The following RGS20 variants were observed in gnomAD, a reference collection of about 807,000 sequenced individuals.
The protein encoded by RGS20 is regulator of G protein signaling 20.
Under a neutral mutation model 33.6 loss-of-function variants are expected in RGS20, and 30 were observed. The ratio of observed to expected loss-of-function variants is 0.89; its 90% CI spans 0.67 to 1.21. RGS20 has a LOEUF of 1.21. Among genes scored for constraint, RGS20 ranks in the 50% most tolerant of loss-of-function variants. The pLI is 0.00. For missense variants in RGS20, 472 were observed against 502.4 expected, an observed-to-expected ratio of 0.94 and a Z score of 0.58; for synonymous variants, 208 against 197.9, an observed-to-expected ratio of 1.05 and a Z score of -0.43.
At chr8:53,880,814 G>C in intron 2 of RGS20, 58 bp from the exon 1 acceptor site, 15 of 1,349,556 alleles carry the variant, frequency 1.1e-5, no homozygotes, top group Admixed American at 3.2e-5. Flanking sequence ...CCGCTGGAGG[G>C]AGGCGAGACG....
intron 2 of RGS20, among the ~76,000 whole-genome samples, chr8:53,908,141 A>G (rs962782169): frequency 1.3e-5 from 2 of 152,204 alleles, no homozygotes; most frequent in African/African-American, 4.8e-5. Flanking sequence ...AAAAGATGGA[A>G]AACGTTGGGA....
intron 4 of RGS20, among the ~76,000 whole-genome samples, chr8:53,951,357 T>C (rs905236761): frequency 6.6e-6 from 1 of 151,996 alleles, no homozygotes; most frequent in Non-Finnish European, 1.5e-5. Flanking sequence ...GCTGTGATGG[T>C]GCGTGCCTGC....
intron 2 of RGS20, among the ~76,000 whole-genome samples, chr8:53,888,733 G>A (rs1170157978): frequency 6.6e-6 from 1 of 152,116 alleles, no homozygotes; most frequent in African/African-American, 2.4e-5. Flanking sequence ...TTCCATTCAG[G>A]ACTCACTCCC....
chr8:53,881,010 G>C (rs776918043), intron 2 of RGS20: 3 of 1,595,506 alleles, frequency 1.9e-6, no homozygotes, highest in South Asian at 1.1e-5. Context: ...GGCACCCGCG[G>C]GACGCATGCG....
At chr8:53,874,657 A>G (rs1282743183) in intron 1 of RGS20, among the ~76,000 whole-genome samples, 1 of 152,182 alleles carries the variant, frequency 6.6e-6, no homozygotes, top group African/African-American at 2.4e-5. Flanking sequence ...AATCTACTCC[A>G]TGCCTCTTCT....
chr8:53,853,963 T>C (rs527924973), intron 1 of RGS20, among the ~76,000 whole-genome samples: 1 of 152,136 alleles, frequency 6.6e-6, no homozygotes, highest in Non-Finnish European at 1.5e-5. Flanking sequence ...TCTAAGAACA[T>C]ATATAGAGGC....
At chr8:53,936,374 T>TCC (rs1814136555) in intron 2 of RGS20, among the ~76,000 whole-genome samples, 1 of 152,194 alleles carries the variant, frequency 6.6e-6, no homozygotes, top group Admixed American at 6.5e-5. Flanking sequence ...CAAAATCTCC[T>TCC]TAAGCTGATA....
rs556905670 is a variant in RGS20 at position 53,901,596 on chromosome 8, G to T, written c.510+21994G>T. On this transcript the variant is annotated intron_variant, in intron 2 of 5. Transcript: ENST00000297313. ...CTTAAATTCTGACACATGCTACAAA[G>T]ATGGTTGAACCTTCAGGACATTATG... is the stretch of plus-strand genomic sequence containing the variant. Among the ~76,000 whole-genome samples the T allele has an allele frequency of 5.3e-5, 8 of 152,272 alleles. No homozygotes were observed. In the East Asian group the frequency reaches 1.5e-3, roughly 29 times the overall value.
At chr8:53,949,736 A>C (rs533073460) in intron 4 of RGS20, among the ~76,000 whole-genome samples, 84 of 152,080 alleles carry the variant, frequency 5.5e-4, no homozygotes, top group African/African-American at 1.7e-3. Flanking sequence ...ATCAATCAAT[A>C]AAGGGAGAGG....
chr8:53,862,323 C>T (rs938284579), intron 1 of RGS20, among the ~76,000 whole-genome samples: 1 of 152,146 alleles, frequency 6.6e-6, no homozygotes, highest in African/African-American at 2.4e-5. Flanking sequence ...CATATTAGAT[C>T]CACAAGAATG....
chr8:53,944,935 T>C (rs749119590), intron 3 of RGS20, among the ~76,000 whole-genome samples: 1 of 152,180 alleles, frequency 6.6e-6, no homozygotes, highest in Non-Finnish European at 1.5e-5. Context: ...CACCCACTTA[T>C]GAAGCTAGAA....
chr8:53,943,849 T>C (rs1239382946), intron 3 of RGS20, among the ~76,000 whole-genome samples: 4 of 152,110 alleles, frequency 2.6e-5, no homozygotes, highest in Non-Finnish European at 4.4e-5. Flanking sequence ...AGCGTACCAC[T>C]CAGATGCCTC....
intron 2 of RGS20, chr8:53,880,308 C>T (rs1453411653): frequency 6.5e-6 from 1 of 152,976 alleles, no homozygotes; most frequent in African/African-American, 2.4e-5. Context: ...CCCTTATCCC[C>T]CGCTCGGTTG....
chr8:53,953,254 C>T (rs1266632748), intron 4 of RGS20, among the ~76,000 whole-genome samples: 1 of 152,196 alleles, frequency 6.6e-6, no homozygotes, highest in Non-Finnish European at 1.5e-5. Context: ...GACGCAGTGG[C>T]TCACACTTGT....
At chr8:53,884,964 A>C (rs1046201908) in intron 2 of RGS20, among the ~76,000 whole-genome samples, 4 of 152,196 alleles carry the variant, frequency 2.6e-5, no homozygotes, top group African/African-American at 9.7e-5. Context: ...TATTCTATTA[A>C]TCTCCTGTAG....
At chr8:53,935,985 C>A (rs199985234) in intron 2 of RGS20, among the ~76,000 whole-genome samples, 1 of 152,172 alleles carries the variant, frequency 6.6e-6, no homozygotes, top group African/African-American at 2.4e-5. Flanking sequence ...TAAACAGAAC[C>A]AATGACGAAA....
intron 2 of RGS20, among the ~76,000 whole-genome samples, chr8:53,922,027 T>G (rs1813663171): frequency 6.6e-6 from 1 of 152,150 alleles, no homozygotes; most frequent in Non-Finnish European, 1.5e-5. Flanking sequence ...TAGTTTATAG[T>G]GTCCTGATGT....
chr8:53,881,183 G>C (rs542374591), intron 2 of RGS20, 99 bp downstream of exon 1: 1 of 882,716 alleles, frequency 1.1e-6, no homozygotes, highest in Non-Finnish European at 1.6e-6. Context: ...CGCGCCGCTC[G>C]TCCGGACCTC....
intron 2 of RGS20, among the ~76,000 whole-genome samples, chr8:53,902,960 G>A (rs57204839): frequency 0.11 from 16,059 of 152,120 alleles, 2,467 homozygotes; most frequent in African/African-American, 0.34. Flanking sequence ...TTCTGACCTC[G>A]GGGGATCTGC....
Sources: gnomAD v4.1 joint callset for allele counts (sites outside exome capture counted in the v4.1 genomes callset) on GRCh38, gnomAD v4.1.1 for gene constraint, MANE v1.5 for transcripts, NCBI Gene and HGNC (gene_info 2026-07-23, HGNC 2026-07-21) for gene names.